Variants in LGR4 observed in about 807,000 individuals in gnomAD.
LGR4 encodes the protein leucine-rich repeat-containing G protein-coupled receptor 4.
LGR4 carries 44 observed loss-of-function variants against 84.8 expected under a neutral mutation model. That is an observed-to-expected ratio of 0.52 (90% CI 0.41 to 0.67). The LOEUF is 0.67. Among genes scored for constraint, LGR4 ranks in the 30% least tolerant of loss-of-function variants. The pLI is 0.00. For missense variants in LGR4, 1,032 were observed against 1,131.4 expected (o/e 0.91, Z 1.26); for synonymous variants, 429 against 434.3 (o/e 0.99, Z 0.15).
chr11:27,472,087 C>CT (rs1314833434), intron 1 of LGR4, 31 bp downstream of exon 1: 1 of 1,279,888 alleles, frequency 7.8e-7, no homozygotes, highest in Admixed American at 4.1e-5. Flanking sequence ...GTTTCCTCCC[C>CT]CCCCCTCGCG....
At chr11:27,463,067 C>CAAAAAAA (rs35718980) in intron 1 of LGR4, among the ~76,000 whole-genome samples, 4 of 51,036 alleles carry the variant, frequency 7.8e-5, no homozygotes, top group African/African-American at 9.2e-5. Flanking sequence ...ACCCTGTCTC[C>CAAAAAAA]AAAAAAAAAA....
At chr11:27,468,570 T>G (rs1214875254) in intron 1 of LGR4, among the ~76,000 whole-genome samples, 1 of 152,160 alleles carries the variant, frequency 6.6e-6, no homozygotes, top group Non-Finnish European at 1.5e-5. Flanking sequence ...ATCATAACCT[T>G]ATTGTCACCT....
At chr11:27,398,431 C>T (rs75403081) in intron 2 of LGR4, among the ~76,000 whole-genome samples, 8 of 152,304 alleles carry the variant, frequency 5.3e-5, no homozygotes, top group African/African-American at 1.9e-4. Flanking sequence ...ACTTAGGTTT[C>T]TTGTGGTCTA....
chr11:27,421,871 A>C (rs761629296), intron 1 of LGR4, among the ~76,000 whole-genome samples: 1 of 152,256 alleles, frequency 6.6e-6, no homozygotes, highest in Non-Finnish European at 1.5e-5. Flanking sequence ...AATGTCTATT[A>C]AATGGCAAAG....
At chr11:27,374,906 A>C (rs540817359) in intron 13 of LGR4, among the ~76,000 whole-genome samples, 1 of 152,156 alleles carries the variant, frequency 6.6e-6, no homozygotes, top group Non-Finnish European at 1.5e-5. Context: ...TACATGTCAT[A>C]TTTCTTAAAG....
At chr11:27,387,509 A>T (rs1863209227) in intron 4 of LGR4, among the ~76,000 whole-genome samples, 1 of 152,042 alleles carries the variant, frequency 6.6e-6, no homozygotes, top group African/African-American at 2.4e-5. Context: ...CTGGGCAAGG[A>T]GTGTTTTAGG....
rs1365671208 is a variant in LGR4, at chr11:27,372,385, G to A, written c.1393C>T (p.Pro465Ser). The A allele has an allele frequency of 3.7e-6, 6 of 1,605,824 alleles. No individual in the cohort carries two copies. The highest frequency in any genetic ancestry group is 2.7e-5 in the African/African-American group (2 of 74,628). The change falls in exon 16 of 18, where the codon CCA (proline) becomes TCA (serine). Residue 465 changes from proline (P) to serine (S), a missense_variant. Pro to Ser is a moderately conservative substitution (Grantham distance 74, BLOSUM62 -1). Coordinates refer to ENST00000379214, the MANE Select transcript of LGR4 (RefSeq NM_018490.5). ...DFVNLRSLSV[P>S]YAYQCCAFWG... ...AATGCACAGCACTGATAAGCATATG[G>A]TACTGATAAAGACCTGGAAAAAAAA...
At chr11:27,409,928 A>T (rs1376491235) in intron 2 of LGR4, among the ~76,000 whole-genome samples, 2 of 152,118 alleles carry the variant, frequency 1.3e-5, no homozygotes, top group African/African-American at 2.4e-5. Context: ...CTTCACTATG[A>T]TGCAACAAGT....
At position 27,385,379 on chromosome 11, in the gene LGR4, C is replaced by T; in HGVS notation, c.491G>A (p.Ser164Asn). 1 of 1,612,542 alleles carries T rather than the reference C, an allele frequency of 6.2e-7. No homozygotes were observed. Residue 164 changes from serine (S) to asparagine (N), a missense_variant, in exon 5 of 18, where the codon AGC becomes AAC. Transcript: ENST00000379214. ...GGGGTGCACAGGCACCTCCGTCAAG[C>T]TGTTGTCATCCAGCCACAGATGCCG... is the stretch of plus-strand genomic sequence containing the variant. The part of the protein sequence containing the change: ...QLRHLWLDDN[S>N]LTEVPVHPLS...
intron 1 of LGR4, among the ~76,000 whole-genome samples, chr11:27,417,228 G>C (rs373111487): frequency 1.3e-5 from 2 of 151,726 alleles, no homozygotes. Context: ...GAGAACACAG[G>C]GTTCTCTAAA....
At chr11:27,391,229 C>T in intron 3 of LGR4, 64 bp from the exon 4 acceptor site, 1 of 637,604 alleles carries the variant, frequency 1.6e-6, no homozygotes, top group Non-Finnish European at 2.5e-6. Flanking sequence ...TAGAAAAATT[C>T]AGAGCCTTTT....
intron 6 of LGR4, 123 bp downstream of exon 6, chr11:27,384,213 G>T: frequency 1.5e-6 from 1 of 656,580 alleles, no homozygotes; most frequent in East Asian, 2.5e-5. Flanking sequence ...ATTTAATCCA[G>T]TATCAAAGTG....
intron 1 of LGR4, among the ~76,000 whole-genome samples, chr11:27,421,010 G>A (rs1196974345): frequency 6.6e-6 from 1 of 152,142 alleles, no homozygotes; most frequent in Non-Finnish European, 1.5e-5. Flanking sequence ...CTTCATATGT[G>A]ACCTTTAGAA....
chr11:27,451,046 AAAC>A (rs1864473050), intron 1 of LGR4, among the ~76,000 whole-genome samples: 1 of 152,208 alleles, frequency 6.6e-6, no homozygotes, highest in African/African-American at 2.4e-5. Context: ...CTCCTTACAA[AAAC>A]ACTTCTTAAA....
chr11:27,417,709 T>A (rs1863847026), intron 1 of LGR4, among the ~76,000 whole-genome samples: 1 of 152,178 alleles, frequency 6.6e-6, no homozygotes. Context: ...CACCCACTGG[T>A]AACCACAGCC....
chr11:27,388,034 C>T (rs1863217869), intron 4 of LGR4, among the ~76,000 whole-genome samples: 1 of 152,040 alleles, frequency 6.6e-6, no homozygotes, highest in African/African-American at 2.4e-5. Context: ...ATCTTCTATA[C>T]AAAATAGCAT....
chr11:27,446,798 A>G (rs1165126310), intron 1 of LGR4, among the ~76,000 whole-genome samples: 4 of 152,130 alleles, frequency 2.6e-5, no homozygotes, highest in East Asian at 1.9e-4. Flanking sequence ...ATGTCCATCA[A>G]TGATAGACTG....
At position 27,428,281 on chromosome 11, in the gene LGR4, C is replaced by A. The variant is rs369216707; in HGVS notation, c.186-15421G>T. On this transcript the variant is annotated intron_variant, in intron 1 of 17. Transcript: ENST00000379214. ...GCCTCCCGAGAGCTGGGATTACAGGCATCCACCACCACGTCTGGCTAATTT... is the reference window on the plus strand; with the variant it reads ...GCCTCCCGAGAGCTGGGATTACAGGAATCCACCACCACGTCTGGCTAATTT... Among the ~76,000 whole-genome samples the A allele has an allele frequency of 8.5e-5, 13 of 152,108 alleles. No individual in the cohort carries two copies. In the South Asian group the frequency reaches 2.5e-3, roughly 29 times the overall value.
At position 27,409,445 on chromosome 11, in the gene LGR4, A is replaced by G. The variant is rs553073078; in HGVS notation, c.257+3344T>C. Among the ~76,000 whole-genome samples, 178 of 152,218 alleles carry G rather than the reference A, an allele frequency of 1.2e-3. 1 individual carries two copies. The highest frequency in any genetic ancestry group is 1.8e-3 in the Non-Finnish European group (119 of 67,982). ...CTGTTCATTGTAAAGCTCTAAACAC[A>G]TACTATTTACACTCTTATCTTTATC... is the stretch of plus-strand genomic sequence containing the variant. On this transcript the variant is annotated intron_variant, in intron 2 of 17. Coordinates refer to ENST00000379214, the MANE Select transcript of LGR4 (RefSeq NM_018490.5).
Sources: allele counts gnomAD v4.1 joint callset (sites outside exome capture counted in the v4.1 genomes callset), GRCh38; gene constraint gnomAD v4.1.1; transcripts MANE v1.5; gene names NCBI Gene and HGNC (gene_info 2026-07-23, HGNC 2026-07-21).